Variants in DOCK3 observed in about 807,000 individuals in gnomAD.
DOCK3 encodes the protein dedicator of cytokinesis protein 3.
In DOCK3, 60 loss-of-function variants were observed where a neutral mutation model predicts 265.6. That is an observed-to-expected ratio of 0.23 (90% CI 0.18 to 0.28). The LOEUF is 0.28. Among genes scored for constraint, DOCK3 ranks in the 10% least tolerant of loss-of-function variants. DOCK3 has a pLI of 1.00. For missense variants in DOCK3, 1,981 were observed against 2,594.3 expected (o/e 0.76, Z 5.14); for synonymous variants, 881 against 938.0 (o/e 0.94, Z 1.11).
intron 27 of DOCK3, among the ~76,000 whole-genome samples, chr3:51,298,887 C>T: frequency 6.6e-6 from 1 of 152,114 alleles, no homozygotes; most frequent in East Asian, 1.9e-4. Flanking sequence ...GTGCATGTAT[C>T]TTTGTAATAT....
chr3:50,993,044 T>C (rs1374221007), intron 5 of DOCK3, among the ~76,000 whole-genome samples: 2 of 152,334 alleles, frequency 1.3e-5, no homozygotes, highest in South Asian at 2.1e-4. Flanking sequence ...TTTAGGGACA[T>C]CCCTCTTTAG....
intron 2 of DOCK3, among the ~76,000 whole-genome samples, chr3:50,806,719 T>G (rs1046640685): frequency 2.6e-5 from 4 of 151,994 alleles, no homozygotes; most frequent in African/African-American, 9.7e-5. Context: ...CTTGGCATAA[T>G]GAAGATGGAG....
At chr3:50,997,037 A>G (rs772670374) in intron 5 of DOCK3, among the ~76,000 whole-genome samples, 2 of 152,122 alleles carry the variant, frequency 1.3e-5, no homozygotes, top group Non-Finnish European at 2.9e-5. Flanking sequence ...GGTATTTGTT[A>G]TGACAGTACT....
chr3:51,338,247 G>T, intron 35 of DOCK3, 112 bp from the exon 36 acceptor site: 1 of 1,173,712 alleles, frequency 8.5e-7, no homozygotes, highest in Non-Finnish European at 1.2e-6. Flanking sequence ...CCTGTTGGAG[G>T]CCATCTCAAT....
intron 12 of DOCK3, among the ~76,000 whole-genome samples, chr3:51,189,176 A>G (rs1455975453): frequency 6.6e-6 from 1 of 152,138 alleles, no homozygotes; most frequent in Non-Finnish European, 1.5e-5. Flanking sequence ...TTGCCTGATG[A>G]TTAGTGATGT....
intron 1 of DOCK3, among the ~76,000 whole-genome samples, chr3:50,745,244 C>G (rs984360100): frequency 6.6e-6 from 1 of 151,966 alleles, no homozygotes; most frequent in Admixed American, 6.6e-5. Flanking sequence ...TGGGGTTTCA[C>G]TGTGTTGGCA....
chr3:51,223,655 C>A (rs1383252), intron 14 of DOCK3, among the ~76,000 whole-genome samples: 1 of 152,102 alleles, frequency 6.6e-6, no homozygotes, highest in African/African-American at 2.4e-5. Context: ...AATTAAAAGA[C>A]TTTTATAAGA....
At chr3:50,786,902 A>G in intron 2 of DOCK3, 1 of 737,416 alleles carries the variant, frequency 1.4e-6, no homozygotes, top group South Asian at 1.4e-5. Flanking sequence ...GGAGTGCCCC[A>G]TGAGTGACAT....
chr3:50,922,608 C>A (rs1325333760), intron 4 of DOCK3, among the ~76,000 whole-genome samples: 1 of 152,252 alleles, frequency 6.6e-6, no homozygotes, highest in Non-Finnish European at 1.5e-5. Flanking sequence ...AATCACCTGT[C>A]TTCTGCGTTG....
At chr3:51,153,918 T>C in intron 10 of DOCK3, among the ~76,000 whole-genome samples, 1 of 152,236 alleles carries the variant, frequency 6.6e-6, no homozygotes, top group East Asian at 1.9e-4. Context: ...TCAACCAGTT[T>C]TGATTATTGT....
At chr3:51,277,469 A>G (rs1248956583) in intron 25 of DOCK3, 139 bp from the exon 26 acceptor site, 2 of 1,151,792 alleles carry the variant, frequency 1.7e-6, no homozygotes, top group Non-Finnish European at 2.3e-6. Context: ...GTGCCTTGAC[A>G]CTGCATGTTG....
At chr3:51,114,065 C>T (rs2083631365) in intron 9 of DOCK3, among the ~76,000 whole-genome samples, 1 of 151,676 alleles carries the variant, frequency 6.6e-6, no homozygotes, top group African/African-American at 2.4e-5. Context: ...GCCATGATTG[C>T]ATCACTGCGT....
chr3:50,939,620 AG>A (rs1321609936), intron 5 of DOCK3, among the ~76,000 whole-genome samples: 2 of 152,322 alleles, frequency 1.3e-5, no homozygotes, highest in East Asian at 3.9e-4. Context: ...ATTCTAAAGA[AG>A]AAAAACCACT....
At chr3:50,838,699 C>G (rs1029276665) in intron 2 of DOCK3, among the ~76,000 whole-genome samples, 1 of 152,168 alleles carries the variant, frequency 6.6e-6, no homozygotes, top group Non-Finnish European at 1.5e-5. Context: ...CTTCAGTGTA[C>G]TGGTTCATTA....
intron 4 of DOCK3, among the ~76,000 whole-genome samples, chr3:50,929,452 G>C (rs913254051): frequency 6.6e-6 from 1 of 152,188 alleles, no homozygotes; most frequent in Non-Finnish European, 1.5e-5. Context: ...ATAGCAATTG[G>C]TGTTGTGTCT....
chr3:51,333,320 CT>C (rs2084653011), intron 35 of DOCK3, 67 bp downstream of exon 35: 3 of 1,507,526 alleles, frequency 2.0e-6, no homozygotes, highest in South Asian at 1.1e-5. Context: ...GGGAATCCCC[CT>C]GACCTGAAAA....
intron 7 of DOCK3, among the ~76,000 whole-genome samples, chr3:51,086,907 C>T (rs762517887): frequency 6.6e-6 from 1 of 152,186 alleles, no homozygotes; most frequent in Non-Finnish European, 1.5e-5. Context: ...CACACACAAT[C>T]TACCAAGATT....
At chr3:51,290,468 A>G (rs1003207437) in intron 27 of DOCK3, among the ~76,000 whole-genome samples, 9 of 151,954 alleles carry the variant, frequency 5.9e-5, no homozygotes, top group Middle Eastern at 6.8e-3. Flanking sequence ...TCTCACTCAT[A>G]GGTGGGAATT....
chr3:51,246,179 T>C (rs2078832050), intron 21 of DOCK3, among the ~76,000 whole-genome samples: 2 of 151,688 alleles, frequency 1.3e-5, no homozygotes, highest in South Asian at 4.1e-4. Flanking sequence ...TCTGAAAACC[T>C]AGCAATTTAA....
Sources: allele counts gnomAD v4.1 joint callset (sites outside exome capture counted in the v4.1 genomes callset), GRCh38; gene constraint gnomAD v4.1.1; transcripts MANE v1.5; gene names NCBI Gene and HGNC (gene_info 2026-07-23, HGNC 2026-07-21).